The following ATP11B variants were observed in gnomAD, a reference collection of about 807,000 sequenced individuals.
ATP11B encodes the protein phospholipid-transporting ATPase IF.
In ATP11B, 81 loss-of-function variants were observed where a neutral mutation model predicts 157.8. The ratio of observed to expected loss-of-function variants is 0.51; its 90% CI spans 0.43 to 0.62. The LOEUF is 0.62. Among genes scored for constraint, ATP11B ranks in the 20% least tolerant of loss-of-function variants. ATP11B has a pLI of 0.00. For synonymous variants in ATP11B, 451 were observed against 469.4 expected (o/e 0.96, Z 0.51); for missense variants, 1,165 against 1,402.2 (o/e 0.83, Z 2.70).
intron 10 of ATP11B, among the ~76,000 whole-genome samples, chr3:182,851,601 A>G (rs1262882870): frequency 6.6e-6 from 1 of 152,230 alleles, no homozygotes; most frequent in African/African-American, 2.4e-5. Context: ...ATAAATTACA[A>G]TAAGGTAAAG....
intron 10 of ATP11B, among the ~76,000 whole-genome samples, chr3:182,849,093 G>T (rs1301966142): frequency 1.3e-5 from 2 of 152,168 alleles, no homozygotes; most frequent in African/African-American, 2.4e-5. Flanking sequence ...AATGTAAGGG[G>T]ATTAGCATTA....
At position 182,914,235 on chromosome 3, in the gene ATP11B, T is replaced by A. The variant is rs563222313; in HGVS notation, c.3452+241T>A. 5.4e-4 allele frequency: 692 copies of A among 1,285,390 alleles called. 16 individuals are homozygous for A. The South Asian group carries it at 0.013, about 24-fold the overall frequency. The allele number at this position is 1,285,390 out of a possible 1,614,324, so 79.6% of individuals were successfully genotyped here. On this transcript the variant is annotated intron_variant, in intron 29 of 29. Coordinates refer to ENST00000323116, the MANE Select transcript of ATP11B (RefSeq NM_014616.3). ...GAGACTTCATCTAATGAACAAAAAA[T>A]TTTGTTTCATAATCTTTCTAAAATG...
At chr3:182,882,151 T>C (rs1211249942) in intron 21 of ATP11B, among the ~76,000 whole-genome samples, 1 of 152,200 alleles carries the variant, frequency 6.6e-6, no homozygotes, top group Non-Finnish European at 1.5e-5. Context: ...TATAATGTGC[T>C]GGATGGGAAG....
intron 17 of ATP11B, among the ~76,000 whole-genome samples, chr3:182,871,948 T>G (rs1333506221): frequency 6.6e-6 from 1 of 152,118 alleles, no homozygotes; most frequent in Non-Finnish European, 1.5e-5. Flanking sequence ...CCTGAGTAGC[T>G]GGGACTACAG....
chr3:182,814,895 A>G (rs567883344), intron 1 of ATP11B, among the ~76,000 whole-genome samples: 6 of 152,304 alleles, frequency 3.9e-5, no homozygotes, highest in African/African-American at 1.4e-4. Context: ...GGAACCGTAT[A>G]AAAGGTTTGG....
intron 12 of ATP11B, among the ~76,000 whole-genome samples, chr3:182,863,778 A>G (rs964226612): frequency 6.6e-6 from 1 of 151,792 alleles, no homozygotes; most frequent in Non-Finnish European, 1.5e-5. Context: ...CTTTTTTCTA[A>G]AGAATCCTCC....
At chr3:182,863,150 C>T (rs1409191976) in intron 12 of ATP11B, among the ~76,000 whole-genome samples, 1 of 151,950 alleles carries the variant, frequency 6.6e-6, no homozygotes, top group African/African-American at 2.4e-5. Flanking sequence ...GTGATCCACC[C>T]GCCTCGGCCT....
At chr3:182,818,887 GTAC>G (rs1231467350) in intron 1 of ATP11B, among the ~76,000 whole-genome samples, 1 of 145,506 alleles carries the variant, frequency 6.9e-6, no homozygotes, top group Non-Finnish European at 1.5e-5. Context: ...CTGCTTAGTA[GTAC>G]TAGTAAATAG....
At chr3:182,818,966 G>A (rs1717143128) in intron 1 of ATP11B, among the ~76,000 whole-genome samples, 1 of 149,958 alleles carries the variant, frequency 6.7e-6, no homozygotes, top group Admixed American at 6.6e-5. Context: ...ATTTTGAATC[G>A]TTTTCCTGTT....
rs1265114450 is a variant in ATP11B at position 182,887,668 on chromosome 3, A to G, written c.2798A>G (p.Gln933Arg). The change falls in exon 24 of 30, where the codon CAG becomes CGG. Residue 933 changes from glutamine to arginine, a missense_variant. Around this residue, in one of 4 missense-constraint regions of ATP11B, gnomAD observed 737 missense variants for 930.5 expected, o/e 0.79. Coordinates refer to ENST00000323116, the MANE Select transcript of ATP11B (RefSeq NM_014616.3). ...ATTCTGATATATAGTCTTTTGGAACAGCATGTAGACCCTCATGTGTTACAA... is the reference window on the plus strand; with the variant it reads ...ATTCTGATATATAGTCTTTTGGAACGGCATGTAGACCCTCATGTGTTACAA... ...LPILIYSLLE[Q>R]HVDPHVLQNK... The G allele has an allele frequency of 1.2e-6, 2 of 1,613,078 alleles. No homozygotes were observed. The highest frequency in any genetic ancestry group is 2.2e-5 in the South Asian group (2 of 90,924).
At chr3:182,846,385 G>A (rs373123919) in intron 9 of ATP11B, among the ~76,000 whole-genome samples, 36 of 150,062 alleles carry the variant, frequency 2.4e-4, no homozygotes, top group African/African-American at 9.1e-4. Flanking sequence ...AATGTAAAAC[G>A]TTGCAGCTGC....
At chr3:182,821,202 C>T (rs999082144) in intron 2 of ATP11B, among the ~76,000 whole-genome samples, 30 of 152,200 alleles carry the variant, frequency 2.0e-4, no homozygotes, top group Admixed American at 7.9e-4. Context: ...CTCTGCCTCT[C>T]GGGTTCAAGC....
intron 4 of ATP11B, chr3:182,833,747 C>T (rs1402306975): frequency 6.6e-6 from 1 of 152,122 alleles, no homozygotes; most frequent in Admixed American, 6.6e-5. Flanking sequence ...TATGAATTCT[C>T]ATGGAGGAAA....
At position 182,898,787 on chromosome 3, in the gene ATP11B, TA is replaced by T; in HGVS notation, c.3318+17del. 6.8e-7 allele frequency: 1 copy of T among 1,463,580 alleles called. No homozygotes were observed. Among genetic ancestry groups the T allele is most frequent in the South Asian group, 1.6e-5 (1 of 64,264 alleles). 90.7% of individuals were successfully genotyped at this position (1,463,580 alleles called of 1,614,324 possible). A position where few individuals can be genotyped will look rare whatever the true frequency, so the allele number is the denominator to read the frequency against. ...AAAAGGCACAGGTAACCACTTTTTATAATAAATTCAATATCTTTTTAGTTAG... is the reference window on the plus strand; with the variant it reads ...AAAAGGCACAGGTAACCACTTTTTATATAAATTCAATATCTTTTTAGTTAG... On this transcript the variant is annotated intron_variant, in intron 28 of 29. Coordinates refer to ENST00000323116, the MANE Select transcript of ATP11B (RefSeq NM_014616.3).
rs988898559 is a variant in ATP11B, at chr3:182,856,391, G to A, written c.852-1487G>A. 2.6e-5 allele frequency among the ~76,000 whole-genome samples: 4 copies of A among 152,296 alleles called. 1 individual carries two copies. Among genetic ancestry groups the A allele is most frequent in the Admixed American group, 1.3e-4 (2 of 15,304 alleles). On this transcript the variant is annotated intron_variant, in intron 10 of 29. Transcript: ENST00000323116. ...AAATTTTGAAAAATAGGTTAGTAATGTAGGGAAAAAGGAGAATATGTCTGA... is the reference window on the plus strand; with the variant it reads ...AAATTTTGAAAAATAGGTTAGTAATATAGGGAAAAAGGAGAATATGTCTGA...
chr3:182,895,628 C>G (rs1376916917), intron 25 of ATP11B, among the ~76,000 whole-genome samples: 2 of 152,098 alleles, frequency 1.3e-5, no homozygotes, highest in Non-Finnish European at 2.9e-5. Context: ...TAAAGAAAGA[C>G]ACACACACAG....
intron 11 of ATP11B, among the ~76,000 whole-genome samples, 170 bp from the exon 12 acceptor site, chr3:182,858,992 A>C (rs1055126508): frequency 6.6e-6 from 1 of 152,160 alleles, no homozygotes; most frequent in Non-Finnish European, 1.5e-5. Context: ...GAGGAAATGT[A>C]ATGTTAAAAA....
At chr3:182,906,506 C>T (rs1407935290) in intron 28 of ATP11B, among the ~76,000 whole-genome samples, 4 of 152,136 alleles carry the variant, frequency 2.6e-5, no homozygotes, top group African/African-American at 7.2e-5. Flanking sequence ...TGCAGTGGCA[C>T]GATCATGGCT....
chr3:182,844,902 A>T (rs759280285), intron 8 of ATP11B, among the ~76,000 whole-genome samples: 1 of 151,686 alleles, frequency 6.6e-6, no homozygotes, highest in Non-Finnish European at 1.5e-5. Flanking sequence ...ATTTACATGC[A>T]TAATCATTTT....
Sources: allele counts gnomAD v4.1 joint callset (sites outside exome capture counted in the v4.1 genomes callset), GRCh38; gene constraint gnomAD v4.1.1; regional missense constraint gnomAD v4.1.1; transcripts MANE v1.5; gene names NCBI Gene and HGNC (gene_info 2026-07-23, HGNC 2026-07-21).